TRIP4: variants seen among roughly 807,000 people sequenced by gnomAD.
The protein encoded by TRIP4 is thyroid hormone receptor interactor 4.
TRIP4 carries 54 observed loss-of-function variants against 81.8 expected under a neutral mutation model. The ratio of observed to expected loss-of-function variants is 0.66; its 90% CI spans 0.53 to 0.83. The LOEUF (loss-of-function observed/expected upper bound fraction) is 0.83. TRIP4 is among the 40% of genes least tolerant of loss of function. The pLI, the probability that TRIP4 is intolerant of heterozygous loss-of-function variation, is 0.00. For synonymous variants in TRIP4, 270 were observed against 242.8 expected (o/e 1.11, Z -1.04); for missense variants, 662 against 683.6 (o/e 0.97, Z 0.35).
chr15:64,421,496 C>T (rs1418609427), intron 9 of TRIP4, among the ~76,000 whole-genome samples: 15 of 151,116 alleles, frequency 9.9e-5, no homozygotes, highest in African/African-American at 1.9e-4. Context: ...CCACCATGCC[C>T]GGCTAATTTT....
At chr15:64,402,046 G>T (rs900129454) in intron 5 of TRIP4, among the ~76,000 whole-genome samples, 4 of 152,066 alleles carry the variant, frequency 2.6e-5, no homozygotes, top group African/African-American at 9.7e-5. Context: ...CAAATAGTCT[G>T]TCTATAGTAT....
intron 12 of TRIP4, among the ~76,000 whole-genome samples, chr15:64,448,504 T>C (rs1892683474): frequency 6.6e-6 from 1 of 152,142 alleles, no homozygotes; most frequent in Non-Finnish European, 1.5e-5. Context: ...CACTCTGTTA[T>C]CCAGGTTGGA....
intron 11 of TRIP4, among the ~76,000 whole-genome samples, chr15:64,428,034 A>G (rs1892187864): frequency 6.6e-6 from 1 of 151,626 alleles, no homozygotes; most frequent in Non-Finnish European, 1.5e-5. Flanking sequence ...TTAGAGATTC[A>G]CAGTCGTTAA....
rs60341744 is a variant in TRIP4 at position 64,396,266 on chromosome 15, C to CTTTT, written c.405+760_405+763dup. ...TAGTGTGTACTCTTGTATCTAGCTG[C>CTTTT]TTTTTTTTTTTTTTTTTTTTTTTTT... On this transcript the variant is annotated intron_variant, in intron 3 of 12. Transcript: ENST00000261884. 1.1e-4 allele frequency among the ~76,000 whole-genome samples: 7 copies of CTTTT among 64,716 alleles called. 2 individuals carry two copies. The highest frequency in any genetic ancestry group is 4.0e-4 in the African/African-American group (7 of 17,582). 42.5% of individuals were successfully genotyped at this position (64,716 alleles called of 152,430 possible).
chr15:64,431,847 A>ATATATATATATATATATATTTT, intron 11 of TRIP4, among the ~76,000 whole-genome samples: 2 of 119,552 alleles, frequency 1.7e-5, no homozygotes, highest in African/African-American at 6.5e-5. Context: ...ATATATATAT[A>ATATATATATATATATATATTTT]TTTTTTTTAT....
chr15:64,449,328 C>G (rs1453681058), intron 12 of TRIP4, among the ~76,000 whole-genome samples: 1 of 150,058 alleles, frequency 6.7e-6, no homozygotes, highest in Non-Finnish European at 1.5e-5. Context: ...AACCTAGCCA[C>G]CCTTTACAGA....
intron 9 of TRIP4, among the ~76,000 whole-genome samples, chr15:64,421,655 G>C (rs1287014185): frequency 1.3e-5 from 2 of 152,080 alleles, no homozygotes; most frequent in Non-Finnish European, 2.9e-5. Context: ...CCTTTTCTAT[G>C]TCTAGATGTA....
At chr15:64,388,698 G>A (rs1900026836) in intron 1 of TRIP4, among the ~76,000 whole-genome samples, 1 of 152,192 alleles carries the variant, frequency 6.6e-6, no homozygotes, top group African/African-American at 2.4e-5. Flanking sequence ...AATTTAAGTG[G>A]AAGCAGCGTG....
rs1900265812 is a variant in TRIP4, at chr15:64,395,504, G to A, written c.378G>A (p.Glu126=). The change falls in exon 3 of 13, where the codon GAG becomes GAA. Residue 126 remains glutamate (E), a synonymous_variant. Coordinates refer to ENST00000261884, the MANE Select transcript of TRIP4 (RefSeq NM_016213.5). The part of the protein sequence containing the change: ...PAFTEPDTTA[E]VKTPFDLAKA... Reference sequence around the variant, plus strand: ...TTACTGAACCTGACACGACTGCAGAGGTTAAAACACCTTTTGATTTGGCCA... The same window carrying A: ...TTACTGAACCTGACACGACTGCAGAAGTTAAAACACCTTTTGATTTGGCCA... 6.2e-7 allele frequency: 1 copy of A among 1,612,078 alleles called. No individual in the cohort carries two copies.
intron 1 of TRIP4, 103 bp downstream of exon 1, chr15:64,388,067 T>C (rs899284354): frequency 1.4e-6 from 2 of 1,428,604 alleles, no homozygotes; most frequent in Non-Finnish European, 1.8e-6. Flanking sequence ...AGAAATGTGA[T>C]AAAGGGGCTG....
chr15:64,406,570 C>A, intron 6 of TRIP4, 111 bp downstream of exon 6: 1 of 1,338,328 alleles, frequency 7.5e-7, no homozygotes, highest in Non-Finnish European at 1.0e-6. Flanking sequence ...GAGTTTATAG[C>A]AAAAGAAGAG....
chr15:64,416,163 G>A (rs1891887826), intron 8 of TRIP4, among the ~76,000 whole-genome samples: 1 of 151,958 alleles, frequency 6.6e-6, no homozygotes, highest in African/African-American at 2.4e-5. Context: ...ACCAGGAGTT[G>A]GAGGCTGCAG....
chr15:64,431,847 A>ATATTTTTTTTTTTTTTTTT lies in TRIP4; in HGVS notation c.1575+6217_1575+6218insATTTTTTTTTTTTTTTTTT. ...CCATTTATATTATATATATATATAT[A>ATATTTTTTTTTTTTTTTTT]TTTTTTTTATCCAAAGAGCATTGTG... On this transcript the variant is annotated intron_variant, in intron 11 of 12. Coordinates refer to ENST00000261884, the MANE Select transcript of TRIP4 (RefSeq NM_016213.5). Among the ~76,000 whole-genome samples the ATATTTTTTTTTTTTTTTTT allele has an allele frequency of 1.1e-3, 134 of 119,510 alleles. 1 individual carries two copies. Among genetic ancestry groups the ATATTTTTTTTTTTTTTTTT allele is most frequent in the African/African-American group, 4.2e-3 (129 of 30,734 alleles). The allele number at this position is 119,510 out of a possible 152,430, so 78.4% of individuals were successfully genotyped here.
rs546694146 is a variant in TRIP4, at chr15:64,402,865, G to T, written c.697+2044G>T. On this transcript the variant is annotated intron_variant, in intron 5 of 12. Coordinates refer to ENST00000261884, the MANE Select transcript of TRIP4 (RefSeq NM_016213.5). ...TTTTTATTTATTTATTATTTATTTA[G>T]TTAGTTAGTTTTGAGATGGAGTCTC... Among the ~76,000 whole-genome samples the T allele has an allele frequency of 1.5e-4, 22 of 150,438 alleles. No homozygotes were observed. In the South Asian group the frequency reaches 2.1e-3, roughly 14 times the overall value.
At chr15:64,418,333 A>G (rs193224572) in intron 8 of TRIP4, among the ~76,000 whole-genome samples, 1 of 152,192 alleles carries the variant, frequency 6.6e-6, no homozygotes, top group Non-Finnish European at 1.5e-5. Flanking sequence ...ACTGGCCTAG[A>G]ACTCCTGACC....
At chr15:64,452,909 G>A (rs1892803014) in intron 12 of TRIP4, among the ~76,000 whole-genome samples, 1 of 152,192 alleles carries the variant, frequency 6.6e-6, no homozygotes. Flanking sequence ...AGCCAGGTGT[G>A]GTGGCTCACG....
chr15:64,395,900 C>T (rs1333005266), intron 3 of TRIP4, among the ~76,000 whole-genome samples: 2 of 136,076 alleles, frequency 1.5e-5, no homozygotes, highest in African/African-American at 2.6e-5. Flanking sequence ...GCCACCATAC[C>T]CAGCTAATTT....
chr15:64,436,837 G>A (rs111302984), intron 11 of TRIP4, among the ~76,000 whole-genome samples: 25 of 130,282 alleles, frequency 1.9e-4, no homozygotes, highest in Non-Finnish European at 3.1e-4. Context: ...GCAGTGGCGC[G>A]ATCTCGGCTG....
chr15:64,440,339 T>C (rs1892488574), intron 11 of TRIP4, among the ~76,000 whole-genome samples: 1 of 152,192 alleles, frequency 6.6e-6, no homozygotes, highest in South Asian at 2.1e-4. Context: ...GCATTTTAGT[T>C]TTCTGACTTT....
Sources: gnomAD v4.1 joint callset for allele counts (sites outside exome capture counted in the v4.1 genomes callset) on GRCh38, gnomAD v4.1.1 for gene constraint, MANE v1.5 for transcripts, NCBI Gene and HGNC (gene_info 2026-07-23, HGNC 2026-07-21) for gene names.